The following DLGAP1 variants were observed in gnomAD, a reference collection of about 807,000 sequenced individuals.
The protein encoded by DLGAP1 is DLG associated protein 1.
A neutral mutation model predicts 90.8 loss-of-function variants in DLGAP1; 11 were observed. The observed-to-expected ratio is 0.12, with a 90% CI of 0.08 to 0.20. The LOEUF is 0.20. Ranked by LOEUF, DLGAP1 falls within the 10% of genes least tolerant of loss-of-function variation. DLGAP1 has a pLI of 1.00. For synonymous variants in DLGAP1, 558 were observed against 540.7 expected (o/e 1.03, Z -0.44); for missense variants, 1,050 against 1,333.8 (o/e 0.79, Z 3.31).
In DLGAP1 at chr18:3,794,449, C is replaced by T. The variant is rs116044479; in HGVS notation, c.1172+19610G>A. Among the ~76,000 whole-genome samples, 282 of 152,282 alleles carry T rather than the reference C, an allele frequency of 1.9e-3. 2 individuals carry two copies. The highest frequency in any genetic ancestry group is 6.5e-3 in the African/African-American group (271 of 41,554). ...CCGTGTCAAAGTCTTGCTCTTACTACCTTGTTGAACTTGACTATAGCAATG... is the reference window on the plus strand; with the variant it reads ...CCGTGTCAAAGTCTTGCTCTTACTATCTTGTTGAACTTGACTATAGCAATG... On this transcript the variant is annotated intron_variant, in intron 5 of 12. Coordinates refer to ENST00000315677, the MANE Select transcript of DLGAP1 (RefSeq NM_004746.4).
rs28452863 is a variant in DLGAP1, at chr18:3,541,485, G to A, written c.2058-6870C>T. On this transcript the variant is annotated intron_variant, in intron 9 of 12. Coordinates refer to ENST00000315677, the MANE Select transcript of DLGAP1 (RefSeq NM_004746.4). ...ACTTTTCAAGTGCAATTTCAAGGGTGGGTACTGGGCTGTGAGGTACTCCAA... is the reference window on the plus strand; with the variant it reads ...ACTTTTCAAGTGCAATTTCAAGGGTAGGTACTGGGCTGTGAGGTACTCCAA... 1.9e-3 allele frequency among the ~76,000 whole-genome samples: 293 copies of A among 152,270 alleles called. 1 individual carries two copies. Among genetic ancestry groups the A allele is most frequent in the African/African-American group, 6.6e-3 (273 of 41,548 alleles).
chr18:3,735,613 T>A (rs1245207638), intron 6 of DLGAP1, among the ~76,000 whole-genome samples: 1 of 152,186 alleles, frequency 6.6e-6, no homozygotes, highest in Non-Finnish European at 1.5e-5. Context: ...AAAATAGTAG[T>A]AGGAAACAAA....
rs1361908439 is a variant in DLGAP1, at chr18:3,897,968, G to A, written c.-72-17828C>T. Among the ~76,000 whole-genome samples, 3 of 151,324 alleles carry A rather than the reference G, an allele frequency of 2.0e-5. No homozygotes were observed. The East Asian group carries it at 6.0e-4, about 30-fold the overall frequency. On this transcript the variant is annotated intron_variant, in intron 3 of 12. Transcript: ENST00000315677. ...CGCCACCGCGCCCGGCTAATTTTTT[G>A]TATTTTTAGTAGAGACGGGGTTTCA...
chr18:3,838,038 G>A (rs1011184757), intron 4 of DLGAP1, among the ~76,000 whole-genome samples: 1 of 151,972 alleles, frequency 6.6e-6, no homozygotes, highest in Non-Finnish European at 1.5e-5. Context: ...TGGAGCCACA[G>A]AATTCAACAA....
chr18:3,562,913 C>T (rs2054224157), intron 9 of DLGAP1, among the ~76,000 whole-genome samples: 1 of 152,088 alleles, frequency 6.6e-6, no homozygotes, highest in Non-Finnish European at 1.5e-5. Flanking sequence ...GCTATAACCT[C>T]CACTTCCCAA....
At chr18:3,532,171 A>C (rs1011276402) in intron 10 of DLGAP1, among the ~76,000 whole-genome samples, 4 of 152,164 alleles carry the variant, frequency 2.6e-5, no homozygotes, top group African/African-American at 9.7e-5. Flanking sequence ...TTTCTTAAAA[A>C]TACTCTGACA....
chr18:3,837,009 A>G (rs189504618), intron 4 of DLGAP1, among the ~76,000 whole-genome samples: 1 of 152,342 alleles, frequency 6.6e-6, no homozygotes, highest in Admixed American at 6.5e-5. Context: ...AAAAAAATAA[A>G]TCAATTTCTA....
rs1199297912 is a variant in DLGAP1, at chr18:3,600,857, TATATATAG to T, written c.1592-18617_1592-18610del. Among the ~76,000 whole-genome samples, 17 of 73,690 alleles carry T rather than the reference TATATATAG, an allele frequency of 2.3e-4. 4 individuals are homozygous for T. The East Asian group carries it at 2.4e-3, about 10-fold the overall frequency. The allele number at this position is 73,690 out of a possible 152,430, so 48.3% of individuals were successfully genotyped here. ...ATATAGATATATATAGATATATAGA[TATATATAG>T]ATATATAGATATATAGATAGATATA... On this transcript the variant is annotated intron_variant, in intron 7 of 12. Coordinates refer to ENST00000315677, the MANE Select transcript of DLGAP1 (RefSeq NM_004746.4).
At chr18:3,588,342 C>G (rs370703776) in intron 7 of DLGAP1, among the ~76,000 whole-genome samples, 5 of 152,216 alleles carry the variant, frequency 3.3e-5, no homozygotes, top group Admixed American at 2.6e-4. Flanking sequence ...GCATCTAACC[C>G]CAGCTACTCG....
intron 4 of DLGAP1, among the ~76,000 whole-genome samples, chr18:3,835,647 CAAAA>C (rs573083559): frequency 2.5e-5 from 2 of 79,628 alleles, no homozygotes; most frequent in African/African-American, 4.3e-5. Context: ...GGCTCCGTCT[CAAAA>C]AAAAAAAAAA....
At chr18:3,548,205 C>T (rs1354441191) in intron 9 of DLGAP1, among the ~76,000 whole-genome samples, 1 of 151,910 alleles carries the variant, frequency 6.6e-6, no homozygotes, top group East Asian at 1.9e-4. Flanking sequence ...GTAGTTAATG[C>T]CACTGAATTG....
intron 7 of DLGAP1, among the ~76,000 whole-genome samples, chr18:3,700,171 T>C (rs1197147194): frequency 1.3e-5 from 2 of 152,126 alleles, no homozygotes; most frequent in South Asian, 2.1e-4. Context: ...CACTGGGGTA[T>C]GAAAAAACTC....
At chr18:4,001,677 T>C (rs2074188757) in intron 3 of DLGAP1, among the ~76,000 whole-genome samples, 1 of 152,204 alleles carries the variant, frequency 6.6e-6, no homozygotes, top group South Asian at 2.1e-4. Context: ...CCTTTGCTCC[T>C]ATCATCTATT....
chr18:4,357,765 G>A (rs1057337704), intron 1 of DLGAP1, among the ~76,000 whole-genome samples: 13 of 152,124 alleles, frequency 8.5e-5, no homozygotes, highest in Non-Finnish European at 1.3e-4. Flanking sequence ...GCTTCGCAGC[G>A]CCTCTCCACT....
At chr18:3,937,493 C>T (rs944852101) in intron 3 of DLGAP1, among the ~76,000 whole-genome samples, 1 of 152,094 alleles carries the variant, frequency 6.6e-6, no homozygotes, top group Non-Finnish European at 1.5e-5. Context: ...ATTATCTCCA[C>T]GTGACCCCGC....
intron 5 of DLGAP1, among the ~76,000 whole-genome samples, chr18:3,764,077 T>G (rs1362076902): frequency 6.6e-6 from 1 of 152,258 alleles, no homozygotes; most frequent in African/African-American, 2.4e-5. Flanking sequence ...CTGAGTGCGT[T>G]ACATGGCCCT....
intron 10 of DLGAP1, among the ~76,000 whole-genome samples, chr18:3,518,863 C>A (rs932600770): frequency 1.3e-5 from 2 of 152,190 alleles, no homozygotes; most frequent in Admixed American, 6.5e-5. Context: ...ATTTCTCCTG[C>A]AAATCTTCAC....
At chr18:3,506,321 C>T (rs2050212960) in intron 11 of DLGAP1, among the ~76,000 whole-genome samples, 1 of 151,810 alleles carries the variant, frequency 6.6e-6, no homozygotes, top group African/African-American at 2.4e-5. Flanking sequence ...CGAGACCAGC[C>T]TGACCAACAT....
chr18:4,275,802 A>T (rs2079398703), intron 1 of DLGAP1, among the ~76,000 whole-genome samples: 1 of 152,220 alleles, frequency 6.6e-6, no homozygotes. Flanking sequence ...TAATAATCAT[A>T]TACAATAAAA....
Sources: allele counts gnomAD v4.1 joint callset (sites outside exome capture counted in the v4.1 genomes callset), GRCh38; gene constraint gnomAD v4.1.1; transcripts MANE v1.5; gene names NCBI Gene and HGNC (gene_info 2026-07-23, HGNC 2026-07-21).